Variants in SOX5 observed in about 807,000 individuals in gnomAD.
The protein encoded by SOX5 is SRY-box transcription factor 5, also known as transcription factor SOX-5.
A neutral mutation model predicts 92.0 loss-of-function variants in SOX5; 9 were observed. The ratio of observed to expected loss-of-function variants is 0.10; its 90% CI spans 0.06 to 0.17. The LOEUF (loss-of-function observed/expected upper bound fraction) is 0.17. Ranked by LOEUF, SOX5 falls within the 10% of genes least tolerant of loss-of-function variation. SOX5 has a pLI of 1.00. For missense variants in SOX5, 642 were observed against 944.5 expected (o/e 0.68, Z 4.20); for synonymous variants, 344 against 336.3 (o/e 1.02, Z -0.25).
At chr12:24,151,568 GTTT>G (rs748289889) in intron 4 of SOX5, among the ~76,000 whole-genome samples, 20 of 151,398 alleles carry the variant, frequency 1.3e-4, no homozygotes, top group Non-Finnish European at 2.4e-4. Flanking sequence ...AATGTGTGAG[GTTT>G]TTTTTTGTTT....
intron 3 of SOX5, among the ~76,000 whole-genome samples, chr12:24,249,313 C>T (rs1324855750): frequency 6.6e-6 from 1 of 152,168 alleles, no homozygotes; most frequent in Non-Finnish European, 1.5e-5. Flanking sequence ...TGTAAGGTTG[C>T]TAAGACTTTT....
chr12:23,702,779 C>A (rs1055732466), intron 6 of SOX5, among the ~76,000 whole-genome samples: 1 of 151,598 alleles, frequency 6.6e-6, no homozygotes, highest in African/African-American at 2.4e-5. Flanking sequence ...TGTGCACGTA[C>A]ACATGCATGT....
At chr12:24,045,650 C>T (rs909159211) in intron 4 of SOX5, among the ~76,000 whole-genome samples, 15 of 152,142 alleles carry the variant, frequency 9.9e-5, no homozygotes, top group African/African-American at 3.1e-4. Flanking sequence ...TATGTACTTC[C>T]GTTGAATTGT....
intron 3 of SOX5, among the ~76,000 whole-genome samples, chr12:24,219,967 C>G (rs1960009858): frequency 6.6e-6 from 1 of 152,066 alleles, no homozygotes; most frequent in South Asian, 2.1e-4. Context: ...CTTTCTGAGC[C>G]TTAGTTTCCT....
rs141037036 is a variant in SOX5 at position 24,274,162 on chromosome 12, C to T, written c.-77+3054G>A. Among the ~76,000 whole-genome samples the T allele has an allele frequency of 5.4e-3, 827 of 152,256 alleles. 8 individuals are homozygous for T. The highest frequency in any genetic ancestry group is 0.019 in the African/African-American group (782 of 41,568). ...CATGTTTCTTAATTTTGCCATTCAA[C>T]TAAATCTCACCAATTTTTCTATTTT... On this transcript the variant is annotated intron_variant, in intron 3 of 4. Transcript: ENST00000446891.
chr12:24,226,654 A>G (rs899916744), intron 3 of SOX5, among the ~76,000 whole-genome samples: 11 of 151,872 alleles, frequency 7.2e-5, no homozygotes, highest in Admixed American at 3.3e-4. Flanking sequence ...TATTTTTAGT[A>G]GAGTTGGGGT....
At chr12:23,614,845 A>G (rs1211275227) in intron 8 of SOX5, among the ~76,000 whole-genome samples, 1 of 152,222 alleles carries the variant, frequency 6.6e-6, no homozygotes, top group Non-Finnish European at 1.5e-5. Flanking sequence ...TCTGATGCCC[A>G]GGCTGGAGTG....
chr12:24,007,154 T>TAA (rs1481291086), intron 4 of SOX5, among the ~76,000 whole-genome samples: 2 of 72,502 alleles, frequency 2.8e-5, no homozygotes, highest in African/African-American at 8.9e-5. Context: ...TATATATATA[T>TAA]ATATATACAT....
At chr12:24,208,015 A>G (rs781531164) in intron 4 of SOX5, among the ~76,000 whole-genome samples, 33 of 152,160 alleles carry the variant, frequency 2.2e-4, no homozygotes, top group Admixed American at 5.2e-4. Flanking sequence ...GTGATTTCCT[A>G]TATCTGTGAA....
At chr12:24,012,114 T>C (rs1315963589) in intron 4 of SOX5, among the ~76,000 whole-genome samples, 1 of 103,752 alleles carries the variant, frequency 9.6e-6, no homozygotes, top group Non-Finnish European at 2.2e-5. Context: ...TTTCATCAAA[T>C]TGCTGACTTC....
chr12:23,775,977 T>C (rs886380984), intron 3 of SOX5, among the ~76,000 whole-genome samples: 1 of 152,182 alleles, frequency 6.6e-6, no homozygotes, highest in African/African-American at 2.4e-5. Flanking sequence ...TGGGGAACGA[T>C]GGTTTCGAGA....
At position 23,550,073 on chromosome 12, in the gene SOX5, G is replaced by T. The variant is rs112737305; in HGVS notation, c.1489-3649C>A. ...CCAGAGACTTGCATAATGCAAAACA[G>T]CATGTGTACTGTTTGCACATAATCC... On this transcript the variant is annotated intron_variant, in intron 11 of 14. Coordinates refer to ENST00000451604, the MANE Select transcript of SOX5 (RefSeq NM_006940.6). Among the ~76,000 whole-genome samples the T allele has an allele frequency of 4.0e-4, 61 of 152,052 alleles. 1 individual carries two copies. Among genetic ancestry groups the T allele is most frequent in the African/African-American group, 1.4e-3 (58 of 41,520 alleles).
chr12:23,606,530 T>A (rs901405362), intron 8 of SOX5, among the ~76,000 whole-genome samples: 1 of 151,834 alleles, frequency 6.6e-6, no homozygotes, highest in African/African-American at 2.4e-5. Context: ...ATTCTTCATA[T>A]TACTGACAAA....
chr12:24,234,498 C>T (rs1238442372), intron 3 of SOX5, among the ~76,000 whole-genome samples: 1 of 152,158 alleles, frequency 6.6e-6, no homozygotes, highest in Non-Finnish European at 1.5e-5. Context: ...CTGCCTCAGC[C>T]TCCCGAGTAG....
At chr12:24,161,989 A>G (rs1952810460) in intron 4 of SOX5, among the ~76,000 whole-genome samples, 1 of 152,106 alleles carries the variant, frequency 6.6e-6, no homozygotes, top group Admixed American at 6.6e-5. Context: ...TTTAATAGAA[A>G]TCATTGGTAA....
At position 24,214,214 on chromosome 12, in the gene SOX5, T is replaced by C. The variant is rs550000100; in HGVS notation, c.-76-797A>G. Among the ~76,000 whole-genome samples the C allele has an allele frequency of 4.6e-5, 7 of 151,994 alleles. No homozygotes were observed. In the South Asian group the frequency reaches 1.5e-3, roughly 32 times the overall value. ...CCATTGAATAATTTCCAGGCAAAAATACCAACAATAGAAAGAACAAAATAA... is the reference window on the plus strand; with the variant it reads ...CCATTGAATAATTTCCAGGCAAAAACACCAACAATAGAAAGAACAAAATAA... On this transcript the variant is annotated intron_variant, in intron 3 of 4. Transcript: ENST00000446891.
At chr12:23,876,969 G>A (rs901922354) in intron 2 of SOX5, among the ~76,000 whole-genome samples, 1 of 152,008 alleles carries the variant, frequency 6.6e-6, no homozygotes, top group Admixed American at 6.6e-5. Context: ...ACAGGGAGGT[G>A]AGCATCACAC....
At chr12:24,300,153 T>A (rs1947788821) in intron 2 of SOX5, among the ~76,000 whole-genome samples, 2 of 152,236 alleles carry the variant, frequency 1.3e-5, no homozygotes, top group South Asian at 4.1e-4. Flanking sequence ...ATGCTACGTC[T>A]TTAATAGTCG....
rs191554941 is a variant in SOX5 at position 23,833,881 on chromosome 12, C to G, written c.481+12102G>C. 1.7e-4 allele frequency among the ~76,000 whole-genome samples: 26 copies of G among 151,986 alleles called. No homozygotes were observed. In the East Asian group the frequency reaches 5.0e-3, roughly 29 times the overall value. On this transcript the variant is annotated intron_variant, in intron 3 of 14. Transcript: ENST00000451604. ...AAATTGTTTAAAAAGACAAATTACA[C>G]CTAGTCAGTTTGTAGGGGAGAGTTA...
Sources: gnomAD v4.1 joint callset for allele counts (sites outside exome capture counted in the v4.1 genomes callset) on GRCh38, gnomAD v4.1.1 for gene constraint, MANE v1.5 for transcripts, NCBI Gene and HGNC (gene_info 2026-07-23, HGNC 2026-07-21) for gene names.